ILRUN: variants seen among roughly 807,000 people sequenced by gnomAD.
The protein encoded by ILRUN is protein ILRUN.
Under a neutral mutation model 33.8 loss-of-function variants are expected in ILRUN, and 3 were observed. That is an observed-to-expected ratio of 0.09 (90% CI 0.04 to 0.23). ILRUN has a LOEUF of 0.23. ILRUN is among the 10% of genes least tolerant of loss of function. The probability of loss-of-function intolerance (pLI) is 1.00; values close to 1 mark genes in which losing one functional copy is unlikely to be tolerated. For missense variants in ILRUN, 210 were observed against 375.1 expected (o/e 0.56, Z 3.64); for synonymous variants, 124 against 138.9 (o/e 0.89, Z 0.75).
intron 4 of ILRUN, among the ~76,000 whole-genome samples, chr6:34,604,618 C>T (rs1469915282): frequency 1.3e-5 from 2 of 152,314 alleles, no homozygotes; most frequent in East Asian, 3.9e-4. Flanking sequence ...GCCCATTTAC[C>T]ACCCTGAACA....
intron 3 of ILRUN, among the ~76,000 whole-genome samples, chr6:34,636,044 G>A (rs184716587): frequency 6.6e-6 from 1 of 152,176 alleles, no homozygotes; most frequent in African/African-American, 2.4e-5. Flanking sequence ...ATTGCTTGAG[G>A]CCAGGAATTA....
At chr6:34,614,824 C>T (rs1009955330) in intron 3 of ILRUN, among the ~76,000 whole-genome samples, 4 of 152,046 alleles carry the variant, frequency 2.6e-5, no homozygotes, top group Non-Finnish European at 5.9e-5. Context: ...TGATAGGGTG[C>T]TTTACCTCTG....
chr6:34,670,378 A>C (rs1012738769), intron 1 of ILRUN, among the ~76,000 whole-genome samples: 1 of 152,210 alleles, frequency 6.6e-6, no homozygotes, highest in African/African-American at 2.4e-5. Context: ...ACTAAAAATC[A>C]CTGAATTATA....
intron 1 of ILRUN, among the ~76,000 whole-genome samples, chr6:34,670,367 TACTAA>T (rs1354233313): frequency 6.6e-6 from 1 of 152,184 alleles, no homozygotes; most frequent in Non-Finnish European, 1.5e-5. Context: ...TGGATAAACT[TACTAA>T]AAATCACTGA....
At chr6:34,628,332 T>C (rs1036250549) in intron 3 of ILRUN, among the ~76,000 whole-genome samples, 1 of 151,256 alleles carries the variant, frequency 6.6e-6, no homozygotes, top group Admixed American at 6.6e-5. Flanking sequence ...TTTTACACTT[T>C]TTTTTTTTTG....
At chr6:34,688,081 G>A (rs931354427) in intron 1 of ILRUN, among the ~76,000 whole-genome samples, 1 of 152,152 alleles carries the variant, frequency 6.6e-6, no homozygotes, top group Non-Finnish European at 1.5e-5. Flanking sequence ...TATATACAAT[G>A]GAATACTATC....
chr6:34,587,947 A>AGGT lies in ILRUN; in HGVS notation c.*2615_*2617dup. 2.5e-6 allele frequency: 1 copy of AGGT among 397,428 alleles called. No homozygotes were observed. Among genetic ancestry groups the AGGT allele is most frequent in the Non-Finnish European group, 4.4e-6 (1 of 225,834 alleles). The allele number at this position is 397,428 out of a possible 1,614,324, so 24.6% of individuals were successfully genotyped here. ...GCCAGACGCAGGTGGTCCTGCCCAG[A>AGGT]GGTGGCCTGCCACTTGGTGAAGATT... On this transcript the variant is annotated 3_prime_UTR_variant, in exon 5 of 5. Transcript: ENST00000374023.
At chr6:34,640,863 G>A (rs2814989) in intron 3 of ILRUN, among the ~76,000 whole-genome samples, 37,990 of 151,570 alleles carry the variant, frequency 0.25, 4,858 homozygotes, top group East Asian at 0.33. Context: ...GGTGGATCAC[G>A]AGGTCAAGAG....
chr6:34,640,426 G>C (rs1762447488), intron 3 of ILRUN, among the ~76,000 whole-genome samples: 1 of 152,004 alleles, frequency 6.6e-6, no homozygotes, highest in Non-Finnish European at 1.5e-5. Context: ...AAAATAAAGG[G>C]AGTGGGCCGG....
intron 4 of ILRUN, 90 bp downstream of exon 4, chr6:34,606,465 C>T (rs920799409): frequency 7.9e-6 from 8 of 1,006,810 alleles, no homozygotes; most frequent in Admixed American, 2.5e-5. Flanking sequence ...CTCTGGGGAG[C>T]GGCAGTCTAG....
intron 1 of ILRUN, among the ~76,000 whole-genome samples, chr6:34,694,740 T>C (rs1735514479): frequency 6.6e-6 from 1 of 151,510 alleles, no homozygotes; most frequent in South Asian, 2.1e-4. Flanking sequence ...GTAGGACCCA[T>C]CAAAGATGAT....
intron 1 of ILRUN, among the ~76,000 whole-genome samples, chr6:34,656,220 T>C (rs550250615): frequency 5.8e-4 from 78 of 134,630 alleles, no homozygotes; most frequent in African/African-American, 2.1e-3. Flanking sequence ...CAGGCAACAG[T>C]GCCAGACTCC....
At chr6:34,650,492 G>A (rs984625733) in intron 2 of ILRUN, among the ~76,000 whole-genome samples, 12 of 150,740 alleles carry the variant, frequency 8.0e-5, no homozygotes, top group South Asian at 6.2e-4. Context: ...GTGCAGTGGC[G>A]CGGTCTCAGC....
chr6:34,602,110 G>A (rs1379731626), intron 4 of ILRUN, among the ~76,000 whole-genome samples: 2 of 151,872 alleles, frequency 1.3e-5, no homozygotes, highest in African/African-American at 2.4e-5. Flanking sequence ...TACCAGCCTC[G>A]AACACTTTTT....
chr6:34,644,075 T>C (rs879509202), intron 3 of ILRUN, among the ~76,000 whole-genome samples: 2 of 152,290 alleles, frequency 1.3e-5, no homozygotes, highest in Middle Eastern at 3.4e-3. Flanking sequence ...CCAACTACTT[T>C]TGAATTTGAG....
intron 1 of ILRUN, among the ~76,000 whole-genome samples, chr6:34,660,910 C>T (rs942882056): frequency 2.6e-5 from 4 of 152,164 alleles, no homozygotes; most frequent in Non-Finnish European, 5.9e-5. Flanking sequence ...TAAAAATGTA[C>T]TCGCAGATAC....
intron 1 of ILRUN, among the ~76,000 whole-genome samples, chr6:34,669,748 C>G (rs996722326): frequency 6.6e-6 from 1 of 151,960 alleles, no homozygotes; most frequent in Non-Finnish European, 1.5e-5. Context: ...AATAAGTAAA[C>G]AAAATGTGGT....
chr6:34,667,519 G>A (rs1001512464), intron 1 of ILRUN, among the ~76,000 whole-genome samples: 8 of 152,146 alleles, frequency 5.3e-5, no homozygotes, highest in African/African-American at 1.9e-4. Flanking sequence ...TACTAAAACA[G>A]TGGAGAGGAA....
chr6:34,683,503 T>TATATATATAC, intron 1 of ILRUN, among the ~76,000 whole-genome samples: 1 of 95,260 alleles, frequency 1.0e-5, no homozygotes, highest in Admixed American at 1.1e-4. Flanking sequence ...TATATACATA[T>TATATATATAC]ATATATATAT....
Sources: allele counts gnomAD v4.1 joint callset (sites outside exome capture counted in the v4.1 genomes callset), GRCh38; gene constraint gnomAD v4.1.1; transcripts MANE v1.5; gene names NCBI Gene and HGNC (gene_info 2026-07-23, HGNC 2026-07-21).